The following CFAP74 variants were observed in gnomAD, a reference collection of about 807,000 sequenced individuals.
CFAP74 encodes the protein cilia and flagella associated protein 74, also known as cilia- and flagella-associated protein 74.
CFAP74 carries 124 observed loss-of-function variants against 188.9 expected under a neutral mutation model. The observed-to-expected ratio is 0.66, with a 90% CI of 0.57 to 0.76. CFAP74 has a LOEUF of 0.76. CFAP74 is among the 30% of genes least tolerant of loss of function. The probability of loss-of-function intolerance (pLI) is 0.00; values close to 1 mark genes in which losing one functional copy is unlikely to be tolerated. For synonymous variants in CFAP74, 956 were observed against 916.7 expected, an observed-to-expected ratio of 1.04 and a Z score of -0.77; for missense variants, 2,198 against 2,165.2, an observed-to-expected ratio of 1.02 and a Z score of -0.30.
intron 3 of CFAP74, 67 bp downstream of exon 3, chr1:1,988,822 A>ACCCCCCCCC: frequency 6.3e-6 from 1 of 158,414 alleles, no homozygotes; most frequent in Middle Eastern, 2.1e-3. Flanking sequence ...CCCTTCACCC[A>ACCCCCCCCC]CCCCCCCACC....
At chr1:1,988,132 C>T (rs934919421) in intron 4 of CFAP74, 7 of 478,372 alleles carry the variant, frequency 1.5e-5, no homozygotes, top group Non-Finnish European at 2.6e-5. Flanking sequence ...TTTTAGGAGA[C>T]GCTGAAATAT....
intron 1 of CFAP74, among the ~76,000 whole-genome samples, chr1:1,994,896 G>T (rs1244864307): frequency 6.6e-6 from 1 of 152,194 alleles, no homozygotes; most frequent in Admixed American, 6.5e-5. Flanking sequence ...GGAGAAACAG[G>T]AGCAAAGAGA....
intron 6 of CFAP74, chr1:1,983,903 A>T (rs535904295): frequency 1.3e-5 from 2 of 151,258 alleles, no homozygotes; most frequent in African/African-American, 4.9e-5. Flanking sequence ...GTTAGCCAGG[A>T]TGGTCTCGAT....
chr1:1,931,201 G>A (rs1652339396), intron 25 of CFAP74, among the ~76,000 whole-genome samples: 1 of 152,082 alleles, frequency 6.6e-6, no homozygotes, highest in Admixed American at 6.5e-5. Flanking sequence ...AGGCCGAGGA[G>A]GGCGGATCAC....
chr1:1,983,167 G>A (rs1188244400), intron 6 of CFAP74, among the ~76,000 whole-genome samples: 1 of 152,148 alleles, frequency 6.6e-6, no homozygotes, highest in Non-Finnish European at 1.5e-5. Flanking sequence ...ACGGTGGAAA[G>A]CCAACTAATA....
chr1:1,941,947 G>GAGTGGCC, intron 22 of CFAP74, 81 bp downstream of exon 22: 1 of 1,338,524 alleles, frequency 7.5e-7, no homozygotes, highest in Non-Finnish European at 9.7e-7. Context: ...GAGAACAGAG[G>GAGTGGCC]AGTGGCCAGT....
chr1:1,946,962 A>C (rs1196126009), intron 19 of CFAP74, 28 bp downstream of exon 19: 2 of 1,514,154 alleles, frequency 1.3e-6, no homozygotes, highest in South Asian at 1.2e-5. Context: ...GGATCGTGGC[A>C]GCTATTTTAG....
At position 1,985,440 on chromosome 1, in the gene CFAP74, A is replaced by G; in HGVS notation, c.446T>C (p.Leu149Pro). Residue 149 changes from leucine (L) to proline (P), a missense_variant, in exon 6 of 39, where the codon CTG becomes CCG. Coordinates refer to ENST00000682832, the MANE Select transcript of CFAP74 (RefSeq NM_001304360.2). ...QAVSRRLFAE[L>P]ENERDLQSRT... ...CGACTGCAGGTCTCTCTCGTTCTCC[A>G]GCTCTGCAAACAGGCGTCTGGACAC... 6.2e-7 allele frequency: 1 copy of G among 1,614,084 alleles called. No homozygotes were observed. Among genetic ancestry groups the G allele is most frequent in the Non-Finnish European group, 8.5e-7 (1 of 1,180,034 alleles).
chr1:1,998,744 G>T (rs1658053337), intron 1 of CFAP74, among the ~76,000 whole-genome samples: 1 of 152,088 alleles, frequency 6.6e-6, no homozygotes, highest in Non-Finnish European at 1.5e-5. Flanking sequence ...GGGCGTGGTG[G>T]CGGGCACCTG....
Position 1,930,233 on chromosome 1 carries a change from C to T in CFAP74, c.3115G>A (p.Ala1039Thr), listed in dbSNP as rs533637000. 1 of 1,535,742 alleles carries T rather than the reference C, an allele frequency of 6.5e-7. No homozygotes were observed. The highest frequency in any genetic ancestry group is 2.0e-5 in the Admixed American group (1 of 50,986). The change falls in exon 26 of 39, where the codon GCT (alanine) becomes ACT (threonine). Residue 1039 changes from alanine (A) to threonine (T), a missense_variant. Transcript: ENST00000682832. ...TGAGAGTTGATGACGTACACTGTAG[C>T]CACGGAGGTGTCGTATAGGGCCGTG... ...AATALYDTSV[A>T]TVYVINSHLS...
In CFAP74 at chr1:1,970,735, T is replaced by A. The variant is rs1338805395; in HGVS notation, c.970A>T (p.Ile324Phe). The change falls in exon 10 of 39, where the codon ATT (isoleucine) becomes TTT (phenylalanine). Residue 324 changes from isoleucine to phenylalanine, a missense_variant. By Grantham distance (21) the Ile-to-Phe change is conservative (BLOSUM62 0). Transcript: ENST00000682832. ...AATGCATCCCTGCCCTGGGCCAGAA[T>A]CGCCTTCTTCTCAGCCTGGACCCTC... ...EQRVQAEKKAILAQGRDAFRH... is the reference protein window; with the variant it reads ...EQRVQAEKKAFLAQGRDAFRH... 6.2e-7 allele frequency: 1 copy of A among 1,614,162 alleles called. No individual in the cohort carries two copies.
chr1:1,925,243 T>C (rs1480110992), intron 33 of CFAP74, among the ~76,000 whole-genome samples: 10 of 133,334 alleles, frequency 7.5e-5, no homozygotes, highest in East Asian at 2.3e-4. Context: ...TGTGAAGGCA[T>C]GAGGGCACAC....
chr1:1,948,353 G>C (rs1231165296), intron 18 of CFAP74, among the ~76,000 whole-genome samples: 1 of 151,624 alleles, frequency 6.6e-6, no homozygotes, highest in Non-Finnish European at 1.5e-5. Flanking sequence ...GCACCCTGCA[G>C]CCTCGGCCTC....
At chr1:1,933,842 C>T (rs972902792) in intron 25 of CFAP74, among the ~76,000 whole-genome samples, 1 of 152,088 alleles carries the variant, frequency 6.6e-6, no homozygotes, top group African/African-American at 2.4e-5. Context: ...TTACTGTGTT[C>T]TTTTCCTAAT....
intron 6 of CFAP74, among the ~76,000 whole-genome samples, chr1:1,979,009 C>T (rs371852325): frequency 4.3e-4 from 61 of 141,832 alleles, no homozygotes; most frequent in African/African-American, 1.5e-3. Flanking sequence ...GCACAGAACA[C>T]GTGTGTCGTG....
chr1:1,973,170 C>CGCACA lies in CFAP74; in HGVS notation c.675-128_675-124dup, dbSNP rs1656211111. 4.5e-6 allele frequency: 3 copies of CGCACA among 667,680 alleles called. No individual in the cohort carries two copies. The highest frequency in any genetic ancestry group is 3.6e-5 in the African/African-American group (2 of 54,890). 41.4% of individuals were successfully genotyped at this position (667,680 alleles called of 1,614,324 possible). A position where few individuals can be genotyped will look rare whatever the true frequency, so the allele number is the denominator to read the frequency against. ...TGGGCCCTTTCGCTCAGCTCTGTCC[C>CGCACA]GCACAGCCTCCCTTGGGGAGGAGCG... On this transcript the variant is annotated intron_variant, in intron 7 of 38. Transcript: ENST00000682832. This position sits in a 1 kb window ranked among gnomAD's most constrained non-coding sequence, Gnocchi z 6.2.
In CFAP74 at chr1:1,967,511, G is replaced by T. The variant is rs768181015; in HGVS notation, c.1246-985C>A. On this transcript the variant is annotated intron_variant, in intron 11 of 38. Coordinates refer to ENST00000682832, the MANE Select transcript of CFAP74 (RefSeq NM_001304360.2). ...GGGTGCTCCTGGCGGAGGGATCGGC[G>T]GGTGCAAAGGCCCCGGCGTGAGACG... is the stretch of plus-strand genomic sequence containing the variant. 6.6e-5 allele frequency among the ~76,000 whole-genome samples: 10 copies of T among 152,256 alleles called. No individual in the cohort carries two copies. In the South Asian group the frequency reaches 2.1e-3, roughly 32 times the overall value.
intron 33 of CFAP74, among the ~76,000 whole-genome samples, chr1:1,925,095 G>T (rs987230566): frequency 6.7e-6 from 1 of 149,938 alleles, no homozygotes. Flanking sequence ...GGCACACACT[G>T]GTGCGAAGGC....
chr1:1,955,968 G>GC, intron 17 of CFAP74, 118 bp from the exon 18 acceptor site: 1 of 1,449,652 alleles, frequency 6.9e-7, no homozygotes, highest in Non-Finnish European at 9.1e-7. Context: ...CTCCAGCGTG[G>GC]CCCCTCAGCT....
Sources: allele counts gnomAD v4.1 joint callset (sites outside exome capture counted in the v4.1 genomes callset), GRCh38; gene constraint gnomAD v4.1.1; non-coding constraint Gnocchi (gnomAD v3.1); transcripts MANE v1.5; gene names NCBI Gene and HGNC (gene_info 2026-07-23, HGNC 2026-07-21).